PTPRK: variants seen among roughly 807,000 people sequenced by gnomAD.
PTPRK encodes the protein protein tyrosine phosphatase receptor type K.
PTPRK carries 75 observed loss-of-function variants against 178.0 expected under a neutral mutation model. The observed-to-expected ratio is 0.42, with a 90% CI of 0.35 to 0.51. The LOEUF is 0.51. Ranked by LOEUF, PTPRK falls within the 20% of genes least tolerant of loss-of-function variation. The pLI, the probability that PTPRK is intolerant of heterozygous loss-of-function variation, is 0.02. For synonymous variants in PTPRK, 637 were observed against 620.6 expected (o/e 1.03, Z -0.39); for missense variants, 1,441 against 1,797.8 (o/e 0.80, Z 3.59).
At chr6:128,117,502 G>T (rs1471812877) in intron 7 of PTPRK, among the ~76,000 whole-genome samples, 1 of 152,138 alleles carries the variant, frequency 6.6e-6, no homozygotes, top group South Asian at 2.1e-4. Context: ...AACAAAAATA[G>T]TTGTTCCCCT....
In PTPRK at chr6:127,970,070, C is replaced by T. The variant is rs1039413477; in HGVS notation, c.*157G>A. The T allele has an allele frequency of 1.7e-5, 9 of 521,138 alleles. No individual in the cohort carries two copies. The highest frequency in any genetic ancestry group is 1.6e-4 in the South Asian group (5 of 30,618). The allele number at this position is 521,138 out of a possible 1,614,324, so 32.3% of individuals were successfully genotyped here. ...TAATTCAGTCCTTTTTATTAAGATA[C>T]ACAACTTCATAAAAAAAATACTTTT... is the stretch of plus-strand genomic sequence containing the variant. On this transcript the variant is annotated 3_prime_UTR_variant, in exon 30 of 30. Transcript: ENST00000368226.
chr6:128,302,985 A>C (rs1303594131), intron 3 of PTPRK, among the ~76,000 whole-genome samples: 1 of 151,884 alleles, frequency 6.6e-6, no homozygotes, highest in Non-Finnish European at 1.5e-5. Context: ...CACACTCATA[A>C]TCTGCCTCCT....
intron 13 of PTPRK, among the ~76,000 whole-genome samples, chr6:128,053,819 A>C (rs1179666776): frequency 1.3e-5 from 2 of 151,768 alleles, no homozygotes; most frequent in Non-Finnish European, 2.9e-5. Context: ...TTCATCTCTC[A>C]CTGGTGTGGG....
chr6:128,434,299 T>C (rs1415871696), intron 1 of PTPRK, among the ~76,000 whole-genome samples: 1 of 152,188 alleles, frequency 6.6e-6, no homozygotes, highest in East Asian at 1.9e-4. Flanking sequence ...AAACCAGCCA[T>C]AGACAGACAA....
intron 7 of PTPRK, among the ~76,000 whole-genome samples, chr6:128,175,386 A>G (rs1160647479): frequency 6.6e-6 from 1 of 151,870 alleles, no homozygotes; most frequent in Non-Finnish European, 1.5e-5. Context: ...AGTTATGTGG[A>G]AAAAAGGTAC....
chr6:128,154,134 C>G (rs1185072952), intron 7 of PTPRK, among the ~76,000 whole-genome samples: 1 of 151,648 alleles, frequency 6.6e-6, no homozygotes, highest in African/African-American at 2.4e-5. Flanking sequence ...CATTAAGAGT[C>G]ATAATTGTTA....
At position 128,248,039 on chromosome 6, in the gene PTPRK, T is replaced by C. The variant is rs552839805; in HGVS notation, c.496-5437A>G. ...ATGTGCCCAAATCAAAACCTATTTC[T>C]AAATATTTATGCCCAAATTTCAGTA... On this transcript the variant is annotated intron_variant, in intron 3 of 29. Transcript: ENST00000368226. Among the ~76,000 whole-genome samples, 5 of 152,298 alleles carry C rather than the reference T, an allele frequency of 3.3e-5. No individual in the cohort carries two copies. In the East Asian group the frequency reaches 9.6e-4, roughly 29 times the overall value.
chr6:128,258,914 G>A (rs1183500675), intron 3 of PTPRK, among the ~76,000 whole-genome samples: 2 of 152,192 alleles, frequency 1.3e-5, no homozygotes, highest in Non-Finnish European at 2.9e-5. Context: ...CGTGGAGCTA[G>A]CCAATAACTG....
Position 127,997,102 on chromosome 6 carries a change from C to T in PTPRK, c.2680-114G>A, listed in dbSNP as rs575022434. 13 of 1,015,222 alleles carry T rather than the reference C, an allele frequency of 1.3e-5. No individual in the cohort carries two copies. In the South Asian group the frequency reaches 1.8e-4, roughly 14 times the overall value. 62.9% of individuals were successfully genotyped at this position (1,015,222 alleles called of 1,614,324 possible). On this transcript the variant is annotated intron_variant, in intron 16 of 29. Coordinates refer to ENST00000368226, the MANE Select transcript of PTPRK (RefSeq NM_002844.4). ...CACTTTCTCAGAGAGGAAAGCAGTC[C>T]TACAGTAGTAAACAAGTTTCATTCT...
intron 13 of PTPRK, among the ~76,000 whole-genome samples, chr6:128,016,888 G>A (rs960948428): frequency 1.5e-4 from 23 of 152,010 alleles, no homozygotes; most frequent in Non-Finnish European, 2.5e-4. Flanking sequence ...TCAAAATTAC[G>A]TTAAGTACAT....
In PTPRK at chr6:128,236,921, A is replaced by G. The variant is rs76499693; in HGVS notation, c.693+3114T>C. Reference sequence around the variant, plus strand: ...ATGATATGCATTATGAAATTATCCTAGATTAACTCAGGCAATTCATTGTTT... The same window carrying G: ...ATGATATGCATTATGAAATTATCCTGGATTAACTCAGGCAATTCATTGTTT... On this transcript the variant is annotated intron_variant, in intron 5 of 29. Coordinates refer to ENST00000368226, the MANE Select transcript of PTPRK (RefSeq NM_002844.4). Among the ~76,000 whole-genome samples the G allele has an allele frequency of 1.2e-3, 189 of 152,302 alleles. 3 individuals carry two copies. The East Asian group carries it at 0.029, about 23-fold the overall frequency.
At chr6:128,192,345 G>T (rs953671508) in intron 6 of PTPRK, among the ~76,000 whole-genome samples, 1 of 152,128 alleles carries the variant, frequency 6.6e-6, no homozygotes, top group Non-Finnish European at 1.5e-5. Flanking sequence ...GACCATGAGT[G>T]ACTTAGCTTT....
At chr6:128,138,223 A>G (rs973755395) in intron 7 of PTPRK, among the ~76,000 whole-genome samples, 1 of 152,122 alleles carries the variant, frequency 6.6e-6, no homozygotes, top group Non-Finnish European at 1.5e-5. Context: ...AATACTGGAG[A>G]ATGGTCAGAA....
chr6:128,148,414 A>G (rs1796790413), intron 7 of PTPRK, among the ~76,000 whole-genome samples: 1 of 152,086 alleles, frequency 6.6e-6, no homozygotes, highest in South Asian at 2.1e-4. Flanking sequence ...TCCAGATAGT[A>G]ATAATAATAA....
chr6:128,207,290 G>T (rs1335891203), intron 6 of PTPRK, among the ~76,000 whole-genome samples: 2 of 151,962 alleles, frequency 1.3e-5, no homozygotes, highest in Admixed American at 1.3e-4. Context: ...CCCTCTCCCC[G>T]CTACAAAATC....
intron 3 of PTPRK, among the ~76,000 whole-genome samples, chr6:128,252,394 CA>C (rs1393764022): frequency 2.0e-5 from 3 of 152,114 alleles, no homozygotes; most frequent in Non-Finnish European, 4.4e-5. Flanking sequence ...AAACGATTAT[CA>C]ATGGTGTTTT....
intron 13 of PTPRK, among the ~76,000 whole-genome samples, chr6:128,042,740 A>AC (rs1227578848): frequency 6.6e-6 from 1 of 152,004 alleles, no homozygotes; most frequent in Admixed American, 6.6e-5. Context: ...TTGTGGGGGG[A>AC]CATTATTCAG....
chr6:128,299,897 C>T (rs1309967329), intron 3 of PTPRK, among the ~76,000 whole-genome samples: 1 of 152,088 alleles, frequency 6.6e-6, no homozygotes, highest in Admixed American at 6.5e-5. Context: ...TAAAGAGCCT[C>T]TGCACAGCAA....
At chr6:128,207,831 C>T (rs149952537) in intron 6 of PTPRK, among the ~76,000 whole-genome samples, 3,909 of 152,168 alleles carry the variant, frequency 0.026, 99 homozygotes, top group African/African-American at 0.07. Context: ...TTTTCACTGA[C>T]GCTAAGAGAT....
Sources: allele counts gnomAD v4.1 joint callset (sites outside exome capture counted in the v4.1 genomes callset), GRCh38; gene constraint gnomAD v4.1.1; transcripts MANE v1.5; gene names NCBI Gene and HGNC (gene_info 2026-07-23, HGNC 2026-07-21).